The following RASGRP3 variants were observed in gnomAD, a reference collection of about 807,000 sequenced individuals.
RASGRP3 encodes RAS guanyl releasing protein 3.
A neutral mutation model predicts 82.7 loss-of-function variants in RASGRP3; 54 were observed. The ratio of observed to expected loss-of-function variants is 0.65; its 90% confidence interval spans 0.52 to 0.82. The LOEUF is 0.82. RASGRP3 is among the 40% of genes least tolerant of loss of function. The pLI is 0.00. For synonymous variants in RASGRP3, 309 were observed against 300.5 expected, an observed-to-expected ratio of 1.03 and a Z score of -0.29; for missense variants, 861 against 828.9, an observed-to-expected ratio of 1.04 and a Z score of -0.48.
intron 4 of RASGRP3, among the ~76,000 whole-genome samples, chr2:33,519,639 T>G (rs1336810579): frequency 6.6e-6 from 1 of 152,230 alleles, no homozygotes; most frequent in Non-Finnish European, 1.5e-5. Flanking sequence ...TACTACCAAC[T>G]TTAATTATGT....
At chr2:33,529,809 C>T (rs1431995462) in intron 10 of RASGRP3, among the ~76,000 whole-genome samples, 1 of 152,000 alleles carries the variant, frequency 6.6e-6, no homozygotes. Flanking sequence ...CAGCTCTAAA[C>T]TTCTAGGATT....
chr2:33,519,774 A>G lies in RASGRP3; in HGVS notation c.174-178A>G, dbSNP rs1279359464. ...AAAAAATGCATTCCAGAGCTATAAT[A>G]AATCAAGTTTCAATTGTTCAGTGTG... On this transcript the variant is annotated intron_variant, in intron 4 of 17. Coordinates refer to ENST00000403687, the MANE Select transcript of RASGRP3 (RefSeq NM_001139488.2). Among the ~76,000 whole-genome samples the G allele has an allele frequency of 3.3e-5, 5 of 152,166 alleles. No homozygotes were observed. In the East Asian group the frequency reaches 9.6e-4, roughly 29 times the overall value.
chr2:33,438,722 T>A (rs917965779), intron 1 of RASGRP3, among the ~76,000 whole-genome samples: 1 of 152,164 alleles, frequency 6.6e-6, no homozygotes, highest in Non-Finnish European at 1.5e-5. Flanking sequence ...TTGAAAAAAA[T>A]TATCAATTTT....
chr2:33,466,327 T>C (rs921244698), intron 2 of RASGRP3, among the ~76,000 whole-genome samples: 1 of 152,192 alleles, frequency 6.6e-6, no homozygotes. Flanking sequence ...TTGACATTAA[T>C]AGGAGTTTGA....
chr2:33,521,831 C>T (rs1672063837), intron 6 of RASGRP3, 124 bp from the exon 7 acceptor site: 1 of 1,131,912 alleles, frequency 8.8e-7, no homozygotes, highest in East Asian at 2.4e-5. Flanking sequence ...ATATGAAAGA[C>T]AGGGCATGTA....
chr2:33,451,465 A>G (rs1009558360), intron 2 of RASGRP3, among the ~76,000 whole-genome samples: 1 of 152,214 alleles, frequency 6.6e-6, no homozygotes, highest in Non-Finnish European at 1.5e-5. Flanking sequence ...TTGGAGTCAT[A>G]TCTAAGAAAT....
intron 10 of RASGRP3, among the ~76,000 whole-genome samples, chr2:33,530,676 G>A (rs927302029): frequency 5.3e-5 from 8 of 152,098 alleles, no homozygotes; most frequent in Middle Eastern, 3.4e-3. Flanking sequence ...AATTAATACT[G>A]CTCTCTCCTC....
At chr2:33,443,158 A>C (rs1340934984) in intron 1 of RASGRP3, among the ~76,000 whole-genome samples, 1 of 152,206 alleles carries the variant, frequency 6.6e-6, no homozygotes, top group African/African-American at 2.4e-5. Flanking sequence ...TATTACATTT[A>C]TAAATAGCAA....
At chr2:33,538,923 T>C (rs1043771650) in intron 11 of RASGRP3, among the ~76,000 whole-genome samples, 171 bp from the exon 12 acceptor site, 2 of 151,810 alleles carry the variant, frequency 1.3e-5, no homozygotes, top group Non-Finnish European at 2.9e-5. Flanking sequence ...CCTGTAGTCC[T>C]AGATACTTGG....
intron 6 of RASGRP3, among the ~76,000 whole-genome samples, chr2:33,521,295 T>G (rs1205606579): frequency 1.3e-5 from 2 of 152,208 alleles, no homozygotes; most frequent in East Asian, 3.8e-4. Context: ...TCATATCAAC[T>G]AGGTAACTTT....
intron 1 of RASGRP3, among the ~76,000 whole-genome samples, chr2:33,509,482 C>T (rs1048414021): frequency 2.0e-5 from 3 of 152,190 alleles, no homozygotes; most frequent in Admixed American, 2.0e-4. Context: ...AGGATATACT[C>T]CTTACTAAAG....
chr2:33,514,523 A>AC (rs1322476481), intron 2 of RASGRP3, among the ~76,000 whole-genome samples: 96 of 149,726 alleles, frequency 6.4e-4, no homozygotes, highest in African/African-American at 2.3e-3. Flanking sequence ...AAAAAAAAAA[A>AC]AAAACCCAAA....
intron 1 of RASGRP3, among the ~76,000 whole-genome samples, chr2:33,502,853 G>T (rs1323408597): frequency 6.6e-6 from 1 of 151,974 alleles, no homozygotes; most frequent in Non-Finnish European, 1.5e-5. Context: ...TGAAAAGCTA[G>T]CTTCTTCTCC....
At chr2:33,546,693 T>C (rs530405870) in intron 13 of RASGRP3, among the ~76,000 whole-genome samples, 1 of 152,236 alleles carries the variant, frequency 6.6e-6, no homozygotes, top group East Asian at 1.9e-4. Flanking sequence ...AGTCATGTAA[T>C]CAACCTAAAT....
chr2:33,459,011 G>GA (rs1031768868), intron 2 of RASGRP3, among the ~76,000 whole-genome samples: 5 of 152,034 alleles, frequency 3.3e-5, no homozygotes, highest in Middle Eastern at 3.2e-3. Flanking sequence ...GATTCTACAT[G>GA]AAAAAATCTA....
chr2:33,554,501 C>A (rs1675714641), intron 14 of RASGRP3, among the ~76,000 whole-genome samples: 1 of 151,368 alleles, frequency 6.6e-6, no homozygotes, highest in Admixed American at 6.6e-5. Flanking sequence ...GAGATGGACT[C>A]TTGCTCTGTT....
At chr2:33,437,697 C>T (rs1315466041) in intron 1 of RASGRP3, among the ~76,000 whole-genome samples, 2 of 152,096 alleles carry the variant, frequency 1.3e-5, no homozygotes, top group African/African-American at 2.4e-5. Context: ...TCCCACTGGC[C>T]GTCTTCTTTC....
At chr2:33,523,278 G>A (rs1372500524) in intron 7 of RASGRP3, among the ~76,000 whole-genome samples, 10 of 152,054 alleles carry the variant, frequency 6.6e-5, no homozygotes, top group East Asian at 5.8e-4. Flanking sequence ...CCTGGCCAAC[G>A]TGGTGAAACC....
intron 1 of RASGRP3, among the ~76,000 whole-genome samples, chr2:33,510,782 A>G (rs1670858179): frequency 6.6e-6 from 1 of 152,200 alleles, no homozygotes; most frequent in Non-Finnish European, 1.5e-5. Flanking sequence ...CTCAGAGATA[A>G]GTCAGACTTT....
Sources: gnomAD v4.1 joint callset for allele counts (sites outside exome capture counted in the v4.1 genomes callset) on GRCh38, gnomAD v4.1.1 for gene constraint, MANE v1.5 for transcripts, NCBI Gene and HGNC (gene_info 2026-07-23, HGNC 2026-07-21) for gene names.